The following KCNK9 variants were observed in gnomAD, a reference collection of about 807,000 sequenced individuals.
KCNK9 encodes potassium channel subfamily K member 9.
In KCNK9, 1 loss-of-function variant was observed where a neutral mutation model predicts 10.8. The observed-to-expected ratio is 0.09, with a 90% CI of 0.03 to 0.44. The LOEUF is 0.44. Ranked by LOEUF, KCNK9 falls within the 20% of genes least tolerant of loss-of-function variation. KCNK9 has a pLI of 0.97. For missense variants in KCNK9, 303 were observed against 515.0 expected, an observed-to-expected ratio of 0.59 and a Z score of 3.98; for synonymous variants, 231 against 222.7, an observed-to-expected ratio of 1.04 and a Z score of -0.33.
rs564745300 is a variant in KCNK9, at chr8:139,620,543, G to A, written c.284-1444C>T. 4.6e-5 allele frequency among the ~76,000 whole-genome samples: 7 copies of A among 152,014 alleles called. 1 individual carries two copies. The South Asian group carries it at 6.3e-4, about 14-fold the overall frequency. ...CTTCCTGCATGAAGCTGCCTCTGAC[G>A]GCTCTAGCTCACACTTCTCCATCAG... On this transcript the variant is annotated intron_variant, in intron 1 of 1. Coordinates refer to ENST00000520439, the MANE Select transcript of KCNK9 (RefSeq NM_001282534.2).
intron 1 of KCNK9, among the ~76,000 whole-genome samples, chr8:139,686,282 G>T (rs563427846): frequency 6.6e-6 from 1 of 152,284 alleles, no homozygotes; most frequent in Admixed American, 6.5e-5. Flanking sequence ...CTAAACTAAA[G>T]AGCTTCTGCA....
rs1563717317 is a variant in KCNK9 at position 139,618,656 on chromosome 8, C to T, written c.727G>A (p.Val243Ile). 2.5e-6 allele frequency: 4 copies of T among 1,614,164 alleles called. No homozygotes were observed. The highest frequency in any genetic ancestry group is 2.5e-6 in the Non-Finnish European group (3 of 1,180,028). Residue 243 changes from valine to isoleucine, a missense_variant, in exon 2 of 2, where the codon GTC (valine) becomes ATC (isoleucine). By Grantham distance (29) the Val-to-Ile change is conservative. Coordinates refer to ENST00000520439, the MANE Select transcript of KCNK9 (RefSeq NM_001282534.2). This position sits in a 1 kb window ranked among gnomAD's most constrained non-coding sequence, Gnocchi z 7.9. Reference protein sequence around the residue: ...TVIGAFLNLVVLRFLTMNSED... With the variant: ...TVIGAFLNLVILRFLTMNSED... ...CTGTTCATGGTCAAGAACCTGAGGA[C>T]GACCAGGTTGAGGAAGGCCCCGATG...
chr8:139,606,440 C>G (rs1165876324), intron 2 of KCNK9, among the ~76,000 whole-genome samples: 2 of 152,122 alleles, frequency 1.3e-5, no homozygotes, highest in African/African-American at 2.4e-5. Context: ...ACACACATAC[C>G]CCAGATGGAT....
chr8:139,660,432 C>T (rs1272599715), intron 1 of KCNK9, among the ~76,000 whole-genome samples: 2 of 131,966 alleles, frequency 1.5e-5, no homozygotes, highest in Non-Finnish European at 3.0e-5. Flanking sequence ...TCGTGAAACC[C>T]GTCTCTGCTA....
chr8:139,649,615 C>T (rs968445595), intron 1 of KCNK9, among the ~76,000 whole-genome samples: 2 of 152,174 alleles, frequency 1.3e-5, no homozygotes, highest in South Asian at 4.1e-4. Flanking sequence ...CACTGTGCGA[C>T]AGATACACTC....
Position 139,677,082 on chromosome 8 carries a change from GCATGCACCTCCCCCAAAGGCAGCCCCA to G in KCNK9, c.283+25601_283+25627del, listed in dbSNP as rs1442014085. Among the ~76,000 whole-genome samples, 5 of 152,292 alleles carry G rather than the reference GCATGCACCTCCCCCAAAGGCAGCCCCA, an allele frequency of 3.3e-5. No individual in the cohort carries two copies. In the East Asian group the frequency reaches 9.7e-4, roughly 29 times the overall value. ...CGGGCTGGCCAGTAGGCTGCAGAAT[GCATGCACCTCCCCCAAAGGCAGCCCCA>G]CATCATGTTTCTGGACCTGCCTTTA... On this transcript the variant is annotated intron_variant, in intron 1 of 1. Coordinates refer to ENST00000520439, the MANE Select transcript of KCNK9 (RefSeq NM_001282534.2).
chr8:139,672,877 C>A (rs892967936), intron 1 of KCNK9, among the ~76,000 whole-genome samples: 44 of 152,232 alleles, frequency 2.9e-4, no homozygotes, highest in Non-Finnish European at 6.5e-4. Context: ...GTGGGTTCCA[C>A]CCTGCCCGGA....
chr8:139,606,395 C>G lies in KCNK9; in HGVS notation c.*1-4794G>C, dbSNP rs116245345. On this transcript the variant is annotated intron_variant, in intron 2 of 2. Transcript: ENST00000650269. Reference sequence around the variant, plus strand: ...GGCTGGAGAGGAGGAACACAAAAATCCAAAGACCCACAGATATCCGGTCAA... The same window carrying G: ...GGCTGGAGAGGAGGAACACAAAAATGCAAAGACCCACAGATATCCGGTCAA... Among the ~76,000 whole-genome samples, 1,412 of 152,192 alleles carry G rather than the reference C, an allele frequency of 9.3e-3. 21 individuals carry two copies. Among genetic ancestry groups the G allele is most frequent in the African/African-American group, 0.032 (1,308 of 41,504 alleles).
intron 1 of KCNK9, among the ~76,000 whole-genome samples, chr8:139,659,735 C>T (rs562335378): frequency 1.3e-5 from 2 of 149,634 alleles, no homozygotes; most frequent in Admixed American, 6.7e-5. Context: ...CCATGTTAAC[C>T]AGGATGGTCT....
rs747979939 is a variant in KCNK9 at position 139,702,921 on chromosome 8, G to T, written c.72C>A (p.Ala24=). Residue 24 remains alanine (A), a synonymous_variant, in exon 1 of 2, where the codon GCC becomes GCA. Coordinates refer to ENST00000520439, the MANE Select transcript of KCNK9 (RefSeq NM_001282534.2). This position sits in a 1 kb window ranked among gnomAD's most constrained non-coding sequence, Gnocchi z 7.5. Reference sequence around the variant, plus strand: ...GGTCCGACTCGAGGGCGTCGAACACGGCGGCGCCCACCAGCAGGTAGGTGA... The same window carrying T: ...GGTCCGACTCGAGGGCGTCGAACACTGCGGCGCCCACCAGCAGGTAGGTGA... ...CTFTYLLVGA[A]VFDALESDHE... 3 of 1,613,110 alleles carry T rather than the reference G, an allele frequency of 1.9e-6. No individual in the cohort carries two copies. In the African/African-American group the frequency reaches 4.0e-5, roughly 22 times the overall value.
At chr8:139,662,904 T>G (rs1240750893) in intron 1 of KCNK9, among the ~76,000 whole-genome samples, 2 of 151,236 alleles carry the variant, frequency 1.3e-5, no homozygotes, top group Admixed American at 1.3e-4. Context: ...GATCTCAGGC[T>G]AGGAGCTTCC....
intron 1 of KCNK9, among the ~76,000 whole-genome samples, chr8:139,682,071 G>A (rs960263317): frequency 1.3e-5 from 2 of 152,208 alleles, no homozygotes; most frequent in Non-Finnish European, 2.9e-5. Flanking sequence ...GAGCACGAGG[G>A]GTGCAGGGAG....
chr8:139,687,420 G>GTATACATA lies in KCNK9; in HGVS notation c.283+15282_283+15289dup, dbSNP rs1402906822. 1.4e-5 allele frequency among the ~76,000 whole-genome samples: 2 copies of GTATACATA among 138,094 alleles called. 1 individual carries two copies. The highest frequency in any genetic ancestry group is 3.0e-5 in the Non-Finnish European group (2 of 65,804). The allele number at this position is 138,094 out of a possible 152,430, so 90.6% of individuals were successfully genotyped here. A position where few individuals can be genotyped will look rare whatever the true frequency, so the allele number is the denominator to read the frequency against. ...TGTATACATATATATTCATATATGT[G>GTATACATA]TATACATATATATTCATATATATGT... On this transcript the variant is annotated intron_variant, in intron 1 of 1. Transcript: ENST00000520439.
chr8:139,661,038 C>G (rs1000340060), intron 1 of KCNK9, among the ~76,000 whole-genome samples: 1 of 152,232 alleles, frequency 6.6e-6, no homozygotes. Context: ...CTGAGGCCCC[C>G]TTGAGAAAGT....
At chr8:139,654,856 G>A (rs1265015649) in intron 1 of KCNK9, among the ~76,000 whole-genome samples, 8 of 152,188 alleles carry the variant, frequency 5.3e-5, no homozygotes, top group Non-Finnish European at 1.0e-4. Flanking sequence ...GGGGCCAGAG[G>A]ATGGCTGGGT....
chr8:139,629,125 C>A (rs1180821372), intron 1 of KCNK9, among the ~76,000 whole-genome samples: 1 of 152,246 alleles, frequency 6.6e-6, no homozygotes, highest in Non-Finnish European at 1.5e-5. Context: ...GTCTTCATCC[C>A]CTTTCTATGG....
chr8:139,651,406 TCCCCACCCAATAGC>T, intron 1 of KCNK9, among the ~76,000 whole-genome samples: 1 of 152,232 alleles, frequency 6.6e-6, no homozygotes, highest in South Asian at 2.1e-4. Context: ...CACCTGTGGC[TCCCCACCCAATAGC>T]CACAGGAGGG....
At chr8:139,601,093 G>A (rs972064985), downstream of KCNK9, 1 of 152,212 alleles carries the variant, frequency 6.6e-6, no homozygotes, top group Admixed American at 6.5e-5. Flanking sequence ...GGCCCTGCAG[G>A]AGGGCCAGGT....
In KCNK9 at chr8:139,637,797, G is replaced by A. The variant is rs970700624; in HGVS notation, c.284-18698C>T. Among the ~76,000 whole-genome samples, 5 of 76,818 alleles carry A rather than the reference G, an allele frequency of 6.5e-5. No individual in the cohort carries two copies. The South Asian group carries it at 1.3e-3, about 20-fold the overall frequency. The allele number at this position is 76,818 out of a possible 152,430, so 50.4% of individuals were successfully genotyped here. On this transcript the variant is annotated intron_variant, in intron 1 of 1. Transcript: ENST00000520439. ...CACACACACACACAATAATAGTAAG[G>A]GGAGTGGGAGGAAACTTCAGGAGGT... is the stretch of plus-strand genomic sequence containing the variant.
Sources: gnomAD v4.1 joint callset for allele counts (sites outside exome capture counted in the v4.1 genomes callset) on GRCh38, gnomAD v4.1.1 for gene constraint, Gnocchi (gnomAD v3.1) non-coding constraint, MANE v1.5 for transcripts, NCBI Gene and HGNC (gene_info 2026-07-23, HGNC 2026-07-21) for gene names.